Variants in LRRTM4 observed in about 807,000 individuals in gnomAD.
LRRTM4 encodes the protein leucine-rich repeat transmembrane neuronal protein 4.
In LRRTM4, 25 loss-of-function variants were observed where a neutral mutation model predicts 47.6. The observed-to-expected ratio is 0.53, with a 90% CI of 0.38 to 0.73. The LOEUF (loss-of-function observed/expected upper bound fraction) is 0.73, where lower values mean the gene tolerates loss of function less well. Among genes scored for constraint, LRRTM4 ranks in the 30% least tolerant of loss-of-function variants. The probability of loss-of-function intolerance (pLI) is 0.00; values close to 1 mark genes in which losing one functional copy is unlikely to be tolerated. For missense variants in LRRTM4, 638 were observed against 713.4 expected (o/e 0.89, Z 1.20); for synonymous variants, 311 against 269.5 (o/e 1.15, Z -1.51).
intron 3 of LRRTM4, among the ~76,000 whole-genome samples, chr2:76,873,461 C>CAT (rs201658703): frequency 0.14 from 16,404 of 117,936 alleles, 2,152 homozygotes; most frequent in African/African-American, 0.36. Flanking sequence ...ATATATATAA[C>CAT]GTGTGTGTGT....
At chr2:76,939,236 C>T (rs1675054816) in intron 3 of LRRTM4, among the ~76,000 whole-genome samples, 1 of 152,104 alleles carries the variant, frequency 6.6e-6, no homozygotes, top group Non-Finnish European at 1.5e-5. Context: ...CTTAACACAA[C>T]AGAATTTGTT....
chr2:77,387,161 A>T (rs1276214937), intron 3 of LRRTM4, among the ~76,000 whole-genome samples: 2 of 152,158 alleles, frequency 1.3e-5, no homozygotes, highest in Non-Finnish European at 2.9e-5. Flanking sequence ...TTAGAATGAA[A>T]GTATATATGA....
chr2:77,253,632 GA>G (rs1553416884), intron 3 of LRRTM4, among the ~76,000 whole-genome samples: 1 of 152,082 alleles, frequency 6.6e-6, no homozygotes, highest in Non-Finnish European at 1.5e-5. Flanking sequence ...ATGTCAACGT[GA>G]GAAGTATCTG....
intron 3 of LRRTM4, among the ~76,000 whole-genome samples, chr2:76,863,582 A>G (rs903084406): frequency 2.0e-5 from 3 of 152,084 alleles, no homozygotes; most frequent in African/African-American, 7.2e-5. Context: ...ATGTGACATG[A>G]TTTCCACTAT....
chr2:76,954,589 G>A (rs11885408), intron 3 of LRRTM4, among the ~76,000 whole-genome samples: 9 of 151,474 alleles, frequency 5.9e-5, no homozygotes, highest in Non-Finnish European at 1.0e-4. Context: ...AGTTCCAGAC[G>A]AAGAAGAAGA....
intron 3 of LRRTM4, among the ~76,000 whole-genome samples, chr2:77,134,022 A>C (rs192896575): frequency 1.3e-5 from 2 of 152,178 alleles, no homozygotes; most frequent in African/African-American, 4.8e-5. Flanking sequence ...GAAAATTAGC[A>C]AGGATTAAAA....
At chr2:77,369,269 G>C (rs1328962900) in intron 3 of LRRTM4, among the ~76,000 whole-genome samples, 2 of 151,322 alleles carry the variant, frequency 1.3e-5, no homozygotes, top group East Asian at 3.9e-4. Flanking sequence ...GTTTTTTGCT[G>C]TACAGAAAAT....
intron 3 of LRRTM4, among the ~76,000 whole-genome samples, chr2:77,488,128 G>GA (rs1677999137): frequency 6.6e-6 from 1 of 152,262 alleles, no homozygotes; most frequent in African/African-American, 2.4e-5. Context: ...GCTCTTTGGG[G>GA]ATCCCAGACC....
At chr2:77,173,345 AT>A (rs1459949889) in intron 3 of LRRTM4, among the ~76,000 whole-genome samples, 1 of 152,130 alleles carries the variant, frequency 6.6e-6, no homozygotes, top group African/African-American at 2.4e-5. Context: ...TTACTCTTTT[AT>A]TTTTGATCTC....
chr2:76,845,525 G>C (rs187448291), intron 3 of LRRTM4, among the ~76,000 whole-genome samples: 18 of 152,226 alleles, frequency 1.2e-4, no homozygotes, highest in Non-Finnish European at 2.4e-4. Flanking sequence ...ATTCTCCAGG[G>C]AGGGAGGCAG....
At chr2:77,206,986 A>G (rs1445866728) in intron 3 of LRRTM4, among the ~76,000 whole-genome samples, 1 of 151,830 alleles carries the variant, frequency 6.6e-6, no homozygotes, top group Non-Finnish European at 1.5e-5. Flanking sequence ...TAGCACCAAC[A>G]TTCAAATCAT....
intron 3 of LRRTM4, among the ~76,000 whole-genome samples, chr2:77,286,909 A>G (rs1324936065): frequency 6.6e-6 from 1 of 152,094 alleles, no homozygotes; most frequent in African/African-American, 2.4e-5. Flanking sequence ...CACTCACTCC[A>G]TAGTATCTGT....
chr2:76,775,482 ATTATATACT>A (rs1369526614), intron 3 of LRRTM4, among the ~76,000 whole-genome samples: 2 of 152,190 alleles, frequency 1.3e-5, no homozygotes, highest in African/African-American at 4.8e-5. Context: ...CTAAAGGGCA[ATTATATACT>A]GGAAAGGTAT....
intron 3 of LRRTM4, among the ~76,000 whole-genome samples, chr2:76,952,248 G>A (rs1374561414): frequency 1.3e-5 from 2 of 151,930 alleles, no homozygotes; most frequent in African/African-American, 2.4e-5. Flanking sequence ...TTCTCTTGTA[G>A]AATAATCAGA....
At chr2:76,781,871 A>T (rs916766918) in intron 3 of LRRTM4, among the ~76,000 whole-genome samples, 18 of 152,146 alleles carry the variant, frequency 1.2e-4, no homozygotes, top group Middle Eastern at 6.8e-3. Flanking sequence ...TTTCTCCTCA[A>T]TGGTTTTCAC....
At position 76,748,838 on chromosome 2, in the gene LRRTM4, G is replaced by GTGGC. The variant is rs774346028; in HGVS notation, c.1626_1629dup (p.Leu544AlafsTer9). ...GTCTCATAGCCCTTGGTGACATGGA[G>GTGGC]TGGCTGGTGGGCCTGGCAGTACCCG... On this transcript the variant is annotated frameshift_variant, in exon 4 of 4. Coordinates refer to ENST00000409884, the MANE Select transcript of LRRTM4 (RefSeq NM_001134745.3). LOFTEE classifies it high-confidence loss of function. 1.1e-5 allele frequency: 17 copies of GTGGC among 1,613,948 alleles called. No individual in the cohort carries two copies. The Admixed American group carries it at 2.2e-4, about 21-fold the overall frequency.
chr2:77,078,390 A>C (rs201568160), intron 3 of LRRTM4, among the ~76,000 whole-genome samples: 3 of 136,396 alleles, frequency 2.2e-5, no homozygotes, highest in Non-Finnish European at 4.6e-5. Flanking sequence ...CCACACACAC[A>C]CACACACACA....
At chr2:77,319,843 G>T (rs1323649007) in intron 3 of LRRTM4, among the ~76,000 whole-genome samples, 2 of 152,188 alleles carry the variant, frequency 1.3e-5, no homozygotes, top group African/African-American at 4.8e-5. Flanking sequence ...CCCCAAAGGT[G>T]AAGATTCATA....
intron 3 of LRRTM4, among the ~76,000 whole-genome samples, chr2:77,450,063 T>C (rs1159567891): frequency 6.6e-6 from 1 of 152,160 alleles, no homozygotes; most frequent in Non-Finnish European, 1.5e-5. Flanking sequence ...AAGTAACATA[T>C]AACAGACATG....
Sources: gnomAD v4.1 joint callset for allele counts (sites outside exome capture counted in the v4.1 genomes callset) on GRCh38, gnomAD v4.1.1 for gene constraint, MANE v1.5 for transcripts, NCBI Gene and HGNC (gene_info 2026-07-23, HGNC 2026-07-21) for gene names.